DYNC2I2: variants seen among roughly 807,000 people sequenced by gnomAD.
DYNC2I2 encodes dynein 2 intermediate chain 2, also known as cytoplasmic dynein 2 intermediate chain 2.
A neutral mutation model predicts 52.0 loss-of-function variants in DYNC2I2; 39 were observed. That is an observed-to-expected ratio of 0.75 (90% CI 0.58 to 0.98). The LOEUF (loss-of-function observed/expected upper bound fraction) is 0.98. Among genes scored for constraint, DYNC2I2 ranks in the 50% least tolerant of loss-of-function variants. The probability of loss-of-function intolerance (pLI) is 0.00; values close to 1 mark genes in which losing one functional copy is unlikely to be tolerated. For missense variants in DYNC2I2, 743 were observed against 728.4 expected (o/e 1.02, Z -0.23); for synonymous variants, 359 against 321.1 (o/e 1.12, Z -1.26).
At chr9:128,684,419 G>A in the DYNC2I2 span, among the ~76,000 whole-genome samples, 5 of 152,070 alleles carry the variant, frequency 3.3e-5, no homozygotes, top group South Asian at 2.1e-4. Flanking sequence ...TGCCGACGGC[G>A]GCCCACAACT....
chr9:128,635,562 C>A, intron 5 of DYNC2I2, 96 bp downstream of exon 5: 1 of 1,155,712 alleles, frequency 8.7e-7, no homozygotes, highest in South Asian at 1.4e-5. Flanking sequence ...GGCAGCTGTC[C>A]AACTGCCAAC....
chr9:128,670,364 T>G, the DYNC2I2 span, among the ~76,000 whole-genome samples: 1 of 151,388 alleles, frequency 6.6e-6, no homozygotes, highest in Admixed American at 6.6e-5. Flanking sequence ...CGCTTGAACC[T>G]GGGAGGCAGA....
chr9:128,673,695 A>T, the DYNC2I2 span, among the ~76,000 whole-genome samples: 1 of 151,186 alleles, frequency 6.6e-6, no homozygotes, highest in African/African-American at 2.4e-5. Context: ...TTTAGTAGAG[A>T]TGGGGTTTCA....
At chr9:128,666,409 A>C in the DYNC2I2 span, among the ~76,000 whole-genome samples, 24 of 151,546 alleles carry the variant, frequency 1.6e-4, no homozygotes, top group African/African-American at 5.8e-4. Context: ...AAAAGCCAAA[A>C]TACATCCACA....
chr9:128,682,906 G>A, the DYNC2I2 span, among the ~76,000 whole-genome samples: 1 of 150,526 alleles, frequency 6.6e-6, no homozygotes, highest in Non-Finnish European at 1.5e-5. Context: ...TCGATTTCCT[G>A]ACCTCGTGAT....
chr9:128,640,506 G>T (rs1208808568), intron 2 of DYNC2I2, among the ~76,000 whole-genome samples, 185 bp downstream of exon 2: 1 of 152,202 alleles, frequency 6.6e-6, no homozygotes, highest in Non-Finnish European at 1.5e-5. Flanking sequence ...CGACCTCAAG[G>T]TCAGCAGTGA....
At chr9:128,647,546 C>T (rs1198368164) in intron 1 of DYNC2I2, among the ~76,000 whole-genome samples, 1 of 151,934 alleles carries the variant, frequency 6.6e-6, no homozygotes, top group East Asian at 1.9e-4. Context: ...CCATCCTGGC[C>T]AACATGGTAA....
intron 3 of DYNC2I2, 36 bp downstream of exon 3, chr9:128,636,882 G>T: frequency 1.3e-6 from 2 of 1,527,142 alleles, no homozygotes; most frequent in South Asian, 1.1e-5. Context: ...GTCCTGGGGT[G>T]GCGAGCTGCC....
At chr9:128,666,794 TGA>T in the DYNC2I2 span, among the ~76,000 whole-genome samples, 1 of 149,348 alleles carries the variant, frequency 6.7e-6, no homozygotes, top group Non-Finnish European at 1.5e-5. Flanking sequence ...CCTGGCATGG[TGA>T]CTCATGCCTG....
At position 128,645,113 on chromosome 9, in the gene DYNC2I2, G is replaced by A. The variant is rs144226380; in HGVS notation, c.187-4174C>T. On this transcript the variant is annotated intron_variant, in intron 1 of 8. Transcript: ENST00000372715. The stretch of plus-strand genomic sequence containing the variant: ...TGCCTGTAATCCCAGCACTTTGGGA[G>A]GCCGAGGCGGGCAGATCACCTGAGC... Among the ~76,000 whole-genome samples the A allele has an allele frequency of 4.6e-5, 7 of 152,092 alleles. No individual in the cohort carries two copies. The East Asian group carries it at 1.4e-3, about 29-fold the overall frequency.
chr9:128,682,356 G>A, the DYNC2I2 span, among the ~76,000 whole-genome samples: 5 of 151,928 alleles, frequency 3.3e-5, no homozygotes, highest in Non-Finnish European at 7.4e-5. Context: ...CCCAGAGTGA[G>A]ACTCTTTCTA....
chr9:128,642,026 G>A (rs1167208807), intron 1 of DYNC2I2, among the ~76,000 whole-genome samples: 3 of 151,626 alleles, frequency 2.0e-5, no homozygotes, highest in Non-Finnish European at 2.9e-5. Flanking sequence ...GGTGGCTCAC[G>A]CCTGTAATCC....
chr9:128,645,276 G>A (rs111363101), intron 1 of DYNC2I2, among the ~76,000 whole-genome samples: 120 of 151,804 alleles, frequency 7.9e-4, no homozygotes, highest in African/African-American at 2.6e-3. Context: ...CGGGCGGATC[G>A]CCTGAGGTCA....
In DYNC2I2 at chr9:128,635,208, C is replaced by A; in HGVS notation, c.865G>T (p.Val289Leu). The change falls in exon 6 of 9, where the codon GTG becomes TTG. Residue 289 changes from valine to leucine, a missense_variant. Physicochemically the swap from Val to Leu is conservative, Grantham distance 32. Transcript: ENST00000372715. The part of the protein sequence containing the change: ...GHSHRFQVLS[V>L]ATDGKVLLWQ... ...AGTAGCACCTTCCCGTCGGTGGCCA[C>A]ACTCAGCACCTGGAAGCGGTGGCTG... The A allele has an allele frequency of 6.2e-7, 1 of 1,613,252 alleles. No individual in the cohort carries two copies. Among genetic ancestry groups the A allele is most frequent in the East Asian group, 2.2e-5 (1 of 44,874 alleles).
upstream of DYNC2I2, among the ~76,000 whole-genome samples, chr9:128,661,486 CG>C (rs1413708507): frequency 3.3e-5 from 5 of 151,398 alleles, no homozygotes; most frequent in Non-Finnish European, 5.9e-5. Flanking sequence ...GGTGACATAG[CG>C]GGTGCCTGTT....
chr9:128,634,447 C>T lies in DYNC2I2; in HGVS notation c.1215-64G>A, dbSNP rs1056850591. The stretch of plus-strand genomic sequence containing the variant: ...CTGGGGTCTGGGTGGTGCTGGCCCC[C>T]AACACCAGACCCCTCCTGGGCTGCC... On this transcript the variant is annotated intron_variant, in intron 7 of 8. Coordinates refer to ENST00000372715, the MANE Select transcript of DYNC2I2 (RefSeq NM_052844.4). 5.9e-6 allele frequency: 9 copies of T among 1,512,636 alleles called. No homozygotes were observed. In the Admixed American group the frequency reaches 1.3e-4, roughly 23 times the overall value. 93.7% of individuals were successfully genotyped at this position (1,512,636 alleles called of 1,614,324 possible).
At chr9:128,646,190 A>G (rs1860614659) in intron 1 of DYNC2I2, among the ~76,000 whole-genome samples, 2 of 152,180 alleles carry the variant, frequency 1.3e-5, no homozygotes, top group African/African-American at 4.8e-5. Flanking sequence ...CGCACTAAAC[A>G]ATAGATTTTC....
rs112510347 is a variant in DYNC2I2 at position 128,656,688 on chromosome 9, C to A, written c.39G>T (p.Ala13=). Residue 13 remains alanine (A), a synonymous_variant, in exon 1 of 9, where the codon GCG becomes GCT. Coordinates refer to ENST00000372715, the MANE Select transcript of DYNC2I2 (RefSeq NM_052844.4). Reference sequence around the variant, plus strand: ...CCAGCGCCGCAACACCAGCGCTTCCCGCCTGGCTGAGTGGCCCCGGCTGCG... The same window carrying A: ...CCAGCGCCGCAACACCAGCGCTTCCAGCCTGGCTGAGTGGCCCCGGCTGCG... ...TRAQPGPLSQ[A]GSAGVAALAT... 2 of 1,489,822 alleles carry A rather than the reference C, an allele frequency of 1.3e-6. No homozygotes were observed. Among genetic ancestry groups the A allele is most frequent in the South Asian group, 1.3e-5 (1 of 76,212 alleles). 92.3% of individuals were successfully genotyped at this position (1,489,822 alleles called of 1,614,324 possible). A position where few individuals can be genotyped will look rare whatever the true frequency, so the allele number is the denominator to read the frequency against.
intron 2 of DYNC2I2, among the ~76,000 whole-genome samples, chr9:128,639,979 T>C (rs1278954636): frequency 2.7e-5 from 4 of 146,722 alleles, no homozygotes; most frequent in African/African-American, 1.0e-4. Flanking sequence ...TACAGTTGTT[T>C]TGAGGAGTGA....
Sources: gnomAD v4.1 joint callset for allele counts (sites outside exome capture counted in the v4.1 genomes callset) on GRCh38, gnomAD v4.1.1 for gene constraint, MANE v1.5 for transcripts, NCBI Gene and HGNC (gene_info 2026-07-23, HGNC 2026-07-21) for gene names.